The following DPH1 variants were observed in gnomAD, a reference collection of about 807,000 sequenced individuals.
DPH1 encodes 2-(3-amino-3-carboxypropyl)histidine synthase subunit 1.
Under a neutral mutation model 55.3 loss-of-function variants are expected in DPH1, and 59 were observed. The ratio of observed to expected loss-of-function variants is 1.07; its 90% CI spans 0.87 to 1.33. The LOEUF (loss-of-function observed/expected upper bound fraction) is 1.33, where lower values mean the gene tolerates loss of function less well. DPH1 is among the 40% of genes most tolerant of loss of function. DPH1 has a pLI of 0.00. For synonymous variants in DPH1, 238 were observed against 235.5 expected (o/e 1.01, Z -0.10); for missense variants, 628 against 584.8 (o/e 1.07, Z -0.76).
chr17:2,041,600 G>T lies in DPH1; in HGVS notation c.1206G>T (p.Pro402=), dbSNP rs1190391709. Reference sequence around the variant, plus strand: ...GCCAGGACCGCCGTCCCCACGCCCCGGGCCGGCCCGCGCGGGGGAAGGTAG... The same window carrying T: ...GCCAGGACCGCCGTCCCCACGCCCCTGGCCGGCCCGCGCGGGGGAAGGTAG... ...NHGQDRRPHA[P]GRPARGKVQE... Residue 402 remains proline (P), a synonymous_variant, in exon 11 of 13, where the codon CCG becomes CCT. Coordinates refer to ENST00000263083, the MANE Select transcript of DPH1 (RefSeq NM_001383.6). 1.1e-5 allele frequency: 18 copies of T among 1,607,212 alleles called. No individual in the cohort carries two copies. Among genetic ancestry groups the T allele is most frequent in the Non-Finnish European group, 1.4e-5 (17 of 1,177,472 alleles).
intron 7 of DPH1, 53 bp downstream of exon 7, chr17:2,039,876 G>A (rs373215348): frequency 1.5e-4 from 236 of 1,610,728 alleles, no homozygotes; most frequent in Non-Finnish European, 1.9e-4. Flanking sequence ...GAGATTCCCT[G>A]CCACTGAGGT....
Position 2,043,311 on chromosome 17 carries a change from A to G in DPH1, c.*725A>G. The G allele has an allele frequency of 1.7e-6, 1 of 598,262 alleles. No homozygotes were observed. The highest frequency in any genetic ancestry group is 2.9e-5 in the East Asian group (1 of 34,698). The allele number at this position is 598,262 out of a possible 1,614,324, so 37.1% of individuals were successfully genotyped here. A position where few individuals can be genotyped will look rare whatever the true frequency, so the allele number is the denominator to read the frequency against. ...GAGCACAAGGCCTTAATGGACATTG[A>G]CTTGTGAAAACGCAAACATGAATAT... On this transcript the variant is annotated 3_prime_UTR_variant, in exon 13 of 13. Coordinates refer to ENST00000263083, the MANE Select transcript of DPH1 (RefSeq NM_001383.6).
rs1246835922 is a variant in DPH1, at chr17:2,042,800, T to G, written c.*214T>G. The G allele has an allele frequency of 6.2e-7, 1 of 1,613,966 alleles. No individual in the cohort carries two copies. Among genetic ancestry groups the G allele is most frequent in the East Asian group, 2.2e-5 (1 of 44,874 alleles). On this transcript the variant is annotated 3_prime_UTR_variant, in exon 13 of 13. Coordinates refer to ENST00000263083, the MANE Select transcript of DPH1 (RefSeq NM_001383.6). ...AGCCAAGGGGCTGCGCTAGCAGCCC[T>G]TGTGTGTGCCCTGGGCCAGGCAGGC...
In DPH1 at chr17:2,036,281, G is replaced by A. The variant is rs774785111; in HGVS notation, c.400+190G>A. ...TTTGGATTTGGTTGCCTTGGCAACG[G>A]TGCTCTGTCCCAGATGCAGGTGTTT... On this transcript the variant is annotated intron_variant, in intron 4 of 12. Transcript: ENST00000263083. The surrounding 1 kb of genome is among the most constrained non-coding windows in gnomAD (Gnocchi z 4.8). 4.6e-5 allele frequency: 55 copies of A among 1,191,972 alleles called. No homozygotes were observed. The Middle Eastern group carries it at 8.7e-4, about 19-fold the overall frequency. The allele number at this position is 1,191,972 out of a possible 1,614,324, so 73.8% of individuals were successfully genotyped here. A position where few individuals can be genotyped will look rare whatever the true frequency, so the allele number is the denominator to read the frequency against.
chr17:2,033,519 G>A lies in DPH1; in HGVS notation c.76G>A (p.Gly26Ser), dbSNP rs772488684. 3.1e-6 allele frequency: 5 copies of A among 1,613,968 alleles called. No homozygotes were observed. The highest frequency in any genetic ancestry group is 4.2e-6 in the Non-Finnish European group (5 of 1,180,042). The change falls in exon 2 of 13, where the codon GGC (glycine) becomes AGC (serine). Residue 26 changes from glycine to serine, a missense_variant. By Grantham distance (56) the Gly-to-Ser change is moderately conservative. Coordinates refer to ENST00000263083, the MANE Select transcript of DPH1 (RefSeq NM_001383.6). ...DGPGRGRAPR[G>S]RVANQIPPEI... is the part of the protein sequence containing the mutation. ...ATCCATTCTAGGTCGGGCCCCTCGG[G>A]GCCGCGTGGCCAATCAGATCCCCCC...
At chr17:2,042,504 T>TCTG in intron 12 of DPH1, 101 bp from the exon 13 acceptor site, 1 of 1,403,574 alleles carries the variant, frequency 7.1e-7, no homozygotes, top group Non-Finnish European at 9.4e-7. Flanking sequence ...TCGATTCCCT[T>TCTG]TTTCTCTCTG....
At chr17:2,033,267 G>A (rs192881791) in intron 1 of DPH1, 3 of 597,640 alleles carry the variant, frequency 5.0e-6, no homozygotes, top group Admixed American at 3.0e-5. Context: ...CAGGCATCTC[G>A]TGACTCTGAC....
intron 11 of DPH1, 31 bp downstream of exon 11, chr17:2,041,652 A>G (rs2067526753): frequency 6.3e-7 from 1 of 1,592,212 alleles, no homozygotes; most frequent in East Asian, 2.3e-5. Flanking sequence ...GGGAGGAGAG[A>G]CCGCGCCTGG....
Position 2,043,104 on chromosome 17 carries a change from A to G in DPH1, c.*518A>G. 1 of 1,612,116 alleles carries G rather than the reference A, an allele frequency of 6.2e-7. No individual in the cohort carries two copies. Among genetic ancestry groups the G allele is most frequent in the South Asian group, 1.1e-5 (1 of 91,078 alleles). On this transcript the variant is annotated 3_prime_UTR_variant, in exon 13 of 13. Transcript: ENST00000263083. ...AGTTCTTGGACCAGTTTGCAGAGTG[A>G]AAGATCAAGAAATGTCTCTGCTCCT...
intron 1 of DPH1, among the ~76,000 whole-genome samples, chr17:2,032,802 G>C (rs1055849853): frequency 6.6e-6 from 1 of 152,186 alleles, no homozygotes; most frequent in Non-Finnish European, 1.5e-5. Context: ...GGAGTGCAGC[G>C]GCGTGATCTC....
At chr17:2,041,952 T>A in intron 12 of DPH1, 77 bp downstream of exon 12, 1 of 1,523,274 alleles carries the variant, frequency 6.6e-7, no homozygotes. Flanking sequence ...AGGCCCGCCC[T>A]CGGGGCGGTG....
At position 2,036,977 on chromosome 17, in the gene DPH1, A is replaced by G. The variant is rs1406415042; in HGVS notation, c.680+21A>G. ...GTTGTGTAAGTTAAAAATGGGGGCC[A>G]AGTAAGTCCTAGAGACATGCGTGTA... On this transcript the variant is annotated intron_variant, in intron 6 of 12. Coordinates refer to ENST00000263083, the MANE Select transcript of DPH1 (RefSeq NM_001383.6). The surrounding 1 kb of genome is among the most constrained non-coding windows in gnomAD (Gnocchi z 4.8). 3 of 1,609,016 alleles carry G rather than the reference A, an allele frequency of 1.9e-6. No homozygotes were observed. In the South Asian group the frequency reaches 3.3e-5, roughly 18 times the overall value.
chr17:2,033,451 C>A (rs1346409355), intron 1 of DPH1, 54 bp from the exon 2 acceptor site: 1 of 1,612,036 alleles, frequency 6.2e-7, no homozygotes, highest in Admixed American at 1.7e-5. Context: ...TATTCCATCT[C>A]AATCTGGCTT....
chr17:2,041,350 C>G (rs752110438), intron 10 of DPH1, 131 bp from the exon 11 acceptor site: 41 of 1,471,112 alleles, frequency 2.8e-5, no homozygotes, highest in Non-Finnish European at 3.4e-5. Flanking sequence ...AGGCAAGGCC[C>G]TGAACCACAC....
chr17:2,042,420 C>G, intron 12 of DPH1, 185 bp from the exon 13 acceptor site: 1 of 1,244,958 alleles, frequency 8.0e-7, no homozygotes, highest in Non-Finnish European at 1.1e-6. Flanking sequence ...TCCGCCTTCA[C>G]CGTCTTCCTC....
chr17:2,037,202 G>A, intron 6 of DPH1: 1 of 416,240 alleles, frequency 2.4e-6, no homozygotes, highest in Non-Finnish European at 4.1e-6. Context: ...CCTGATGGGG[G>A]TTGAGGGTGG....
intron 1 of DPH1, among the ~76,000 whole-genome samples, chr17:2,032,261 T>G (rs1370190610): frequency 6.6e-6 from 1 of 152,106 alleles, no homozygotes; most frequent in African/African-American, 2.4e-5. Context: ...CTAGACTGAC[T>G]CTTAGGTTTT....
chr17:2,033,270 ACT>A (rs2067355589), intron 1 of DPH1: 1 of 605,976 alleles, frequency 1.7e-6, no homozygotes, highest in South Asian at 2.0e-5. Flanking sequence ...GCATCTCGTG[ACT>A]CTGACTTGGG....
At chr17:2,031,459 G>A (rs896245610) in intron 1 of DPH1, among the ~76,000 whole-genome samples, 75 of 151,558 alleles carry the variant, frequency 4.9e-4, no homozygotes, top group African/African-American at 1.4e-3. Context: ...CTACTCGGGA[G>A]GCTGAGGCAG....
Sources: gnomAD v4.1 joint callset for allele counts (sites outside exome capture counted in the v4.1 genomes callset) on GRCh38, gnomAD v4.1.1 for gene constraint, Gnocchi (gnomAD v3.1) non-coding constraint, MANE v1.5 for transcripts, NCBI Gene and HGNC (gene_info 2026-07-23, HGNC 2026-07-21) for gene names.